PBX1: variants seen among roughly 807,000 people sequenced by gnomAD.
PBX1 encodes the protein pre-B-cell leukemia transcription factor 1.
PBX1 carries 6 observed loss-of-function variants against 53.4 expected under a neutral mutation model. That is an observed-to-expected ratio of 0.11 (90% confidence interval 0.06 to 0.22). PBX1 has a LOEUF of 0.22. Among genes scored for constraint, PBX1 ranks in the 10% least tolerant of loss-of-function variants. The pLI is 1.00. For missense variants in PBX1, 251 were observed against 551.4 expected, an observed-to-expected ratio of 0.46 and a Z score of 5.46; for synonymous variants, 204 against 212.3, an observed-to-expected ratio of 0.96 and a Z score of 0.34.
intron 2 of PBX1, among the ~76,000 whole-genome samples, chr1:164,635,825 G>A (rs1658735684): frequency 6.6e-6 from 1 of 152,182 alleles, no homozygotes; most frequent in Admixed American, 6.5e-5. Context: ...AACTTATTAA[G>A]GTTCGTTAGG....
intron 2 of PBX1, among the ~76,000 whole-genome samples, chr1:164,620,670 C>G (rs1657606544): frequency 6.6e-6 from 1 of 151,520 alleles, no homozygotes; most frequent in Non-Finnish European, 1.5e-5. Flanking sequence ...AAATGTTTTC[C>G]CCTATATTCT....
At chr1:164,602,277 T>G (rs1656228977) in intron 2 of PBX1, among the ~76,000 whole-genome samples, 1 of 152,148 alleles carries the variant, frequency 6.6e-6, no homozygotes. Context: ...CTGAAATTGC[T>G]ATGGGAGGGC....
chr1:164,857,770 G>A (rs905539162), intron 2 of PBX1, among the ~76,000 whole-genome samples: 1 of 152,178 alleles, frequency 6.6e-6, no homozygotes, highest in Non-Finnish European at 1.5e-5. Context: ...TACCAGCCAT[G>A]TGACCTTTGA....
At chr1:164,601,265 A>T (rs1656155897) in intron 2 of PBX1, among the ~76,000 whole-genome samples, 1 of 149,478 alleles carries the variant, frequency 6.7e-6, no homozygotes, top group Non-Finnish European at 1.5e-5. Flanking sequence ...AAAAAAAAGC[A>T]GACACAGAGG....
chr1:164,754,784 G>T (rs186012846), intron 2 of PBX1, among the ~76,000 whole-genome samples: 1 of 152,260 alleles, frequency 6.6e-6, no homozygotes, highest in African/African-American at 2.4e-5. Context: ...TATGTTGTAG[G>T]TGGTACTCCA....
At chr1:164,587,237 A>G (rs1045217319) in intron 2 of PBX1, among the ~76,000 whole-genome samples, 2 of 152,162 alleles carry the variant, frequency 1.3e-5, no homozygotes, top group African/African-American at 4.8e-5. Context: ...TGATTTTGGT[A>G]ATCCTTATCC....
chr1:164,870,271 T>TCCCTCCC (rs1672331865), intron 2 of PBX1, among the ~76,000 whole-genome samples: 3 of 15,590 alleles, frequency 1.9e-4, no homozygotes, highest in East Asian at 3.7e-3. Context: ...CCTTCCTTCT[T>TCCCTCCC]TCTTTCTTTC....
At chr1:164,756,213 A>T (rs1171467276) in intron 2 of PBX1, among the ~76,000 whole-genome samples, 1 of 152,098 alleles carries the variant, frequency 6.6e-6, no homozygotes, top group Non-Finnish European at 1.5e-5. Flanking sequence ...CCGCGTAAGG[A>T]TGGCTGGGGA....
At chr1:164,635,323 G>A (rs1193141265) in intron 2 of PBX1, among the ~76,000 whole-genome samples, 2 of 152,034 alleles carry the variant, frequency 1.3e-5, no homozygotes, top group Non-Finnish European at 2.9e-5. Context: ...AAAAAGTGGG[G>A]GGCGAGGGGG....
chr1:164,705,341 A>T (rs1042078609), intron 2 of PBX1, among the ~76,000 whole-genome samples: 1 of 152,250 alleles, frequency 6.6e-6, no homozygotes, highest in East Asian at 1.9e-4. Flanking sequence ...ATTAAAAAAT[A>T]TATTGTTACT....
chr1:164,585,381 G>A (rs911959647), intron 2 of PBX1, among the ~76,000 whole-genome samples: 16 of 152,200 alleles, frequency 1.1e-4, no homozygotes, highest in African/African-American at 3.6e-4. Flanking sequence ...TGAGTAAGGA[G>A]TAGTGAGAAA....
rs1034906718 is a variant in PBX1, at chr1:164,809,175, G to C, written c.837+1498G>C. 3.3e-5 allele frequency among the ~76,000 whole-genome samples: 5 copies of C among 152,212 alleles called. No individual in the cohort carries two copies. The South Asian group carries it at 1.0e-3, about 32-fold the overall frequency. On this transcript the variant is annotated intron_variant, in intron 5 of 8. Transcript: ENST00000420696. ...TAAATTACTACTGTCTGAATTCCAA[G>C]TGTGGAATTCAGAATTTCAACTTCC...
chr1:164,793,868 C>CTTTCT (rs1668650636), intron 3 of PBX1, among the ~76,000 whole-genome samples: 2 of 97,380 alleles, frequency 2.1e-5, no homozygotes, highest in African/African-American at 4.0e-5. Flanking sequence ...TTTTTTTTTC[C>CTTTCT]TTTCTTTTTT....
intron 2 of PBX1, among the ~76,000 whole-genome samples, chr1:164,591,519 AAG>A (rs144759008): frequency 0.061 from 9,305 of 152,302 alleles, 371 homozygotes; most frequent in Middle Eastern, 0.092. Flanking sequence ...TACCCTGCTT[AAG>A]AGAGTAAACT....
chr1:164,647,231 CT>C (rs1231000969), intron 2 of PBX1, among the ~76,000 whole-genome samples: 2 of 152,188 alleles, frequency 1.3e-5, no homozygotes, highest in Non-Finnish European at 2.9e-5. Context: ...ACTGAATGAA[CT>C]CTTCAAACTG....
At chr1:164,601,974 G>T (rs1298776879) in intron 2 of PBX1, among the ~76,000 whole-genome samples, 2 of 152,158 alleles carry the variant, frequency 1.3e-5, no homozygotes, top group Non-Finnish European at 2.9e-5. Flanking sequence ...TCAGCTCTGT[G>T]GCTCCAGGAA....
At chr1:164,731,543 T>C (rs1196070055) in intron 2 of PBX1, among the ~76,000 whole-genome samples, 1 of 152,106 alleles carries the variant, frequency 6.6e-6, no homozygotes, top group African/African-American at 2.4e-5. Context: ...GTGAATGCCG[T>C]TGAAAGGGTT....
At chr1:164,697,825 G>C (rs1285623822) in intron 2 of PBX1, among the ~76,000 whole-genome samples, 1 of 152,148 alleles carries the variant, frequency 6.6e-6, no homozygotes, top group African/African-American at 2.4e-5. Context: ...CCAAAGAAAA[G>C]TCATAAAAGC....
chr1:164,588,651 CT>C (rs1655129648), intron 2 of PBX1, among the ~76,000 whole-genome samples: 1 of 151,496 alleles, frequency 6.6e-6, no homozygotes, highest in African/African-American at 2.4e-5. Flanking sequence ...TCTGCTGTGG[CT>C]TTATTAGGAA....
Sources: gnomAD v4.1 joint callset for allele counts (sites outside exome capture counted in the v4.1 genomes callset) on GRCh38, gnomAD v4.1.1 for gene constraint, MANE v1.5 for transcripts, NCBI Gene and HGNC (gene_info 2026-07-23, HGNC 2026-07-21) for gene names.